Variants in TP53I13 observed in about 807,000 individuals in gnomAD.
TP53I13 encodes tumor protein p53 inducible protein 13.
Under a neutral mutation model 39.1 loss-of-function variants are expected in TP53I13, and 27 were observed. That is an observed-to-expected ratio of 0.69 (90% confidence interval 0.51 to 0.95). The LOEUF (loss-of-function observed/expected upper bound fraction) is 0.95, where lower values mean the gene tolerates loss of function less well. Among genes scored for constraint, TP53I13 ranks in the 40% least tolerant of loss-of-function variants. TP53I13 has a pLI of 0.00. For synonymous variants in TP53I13, 230 were observed against 224.6 expected (o/e 1.02, Z -0.22); for missense variants, 544 against 520.4 (o/e 1.05, Z -0.44).
the TP53I13 span, chr17:29,581,930 G>A: frequency 6.2e-7 from 1 of 1,612,492 alleles, no homozygotes. The surrounding 1 kb of genome is among the most constrained non-coding windows in gnomAD (Gnocchi z 4.8). Context: ...CCCTCACCTG[G>A]CATAGTCAAT....
downstream of TP53I13, chr17:29,575,522 C>G (rs753606113): frequency 1.9e-6 from 3 of 1,569,488 alleles, no homozygotes; most frequent in Non-Finnish European, 2.6e-6. This position sits in a 1 kb window ranked among gnomAD's most constrained non-coding sequence, Gnocchi z 5.5. Flanking sequence ...GAGAAAGACA[C>G]GTTCCAGCCT....
In TP53I13 at chr17:29,571,976, C is replaced by G; in HGVS notation, c.432C>G (p.Ile144Met). The G allele has an allele frequency of 6.2e-7, 1 of 1,613,166 alleles. No homozygotes were observed. Among genetic ancestry groups the G allele is most frequent in the Non-Finnish European group, 8.5e-7 (1 of 1,180,008 alleles). Residue 144 changes from isoleucine (I) to methionine (M), a missense_variant, in exon 5 of 7, where the codon ATC becomes ATG. Transcript: ENST00000301057. ...AGCAGAGGAAGAAGAAGGCATGGATCTACTGTGAAAGCCTTTCAGGGCCTG... is the reference window on the plus strand; with the variant it reads ...AGCAGAGGAAGAAGAAGGCATGGATGTACTGTGAAAGCCTTTCAGGGCCTG... ...RRKQRKKKAW[I>M]YCESLSGPAP...
upstream of TP53I13, chr17:29,566,880 C>A: frequency 6.7e-7 from 1 of 1,498,686 alleles, no homozygotes; most frequent in Non-Finnish European, 8.8e-7. Flanking sequence ...CGGCGCGCCC[C>A]CAGGGTCCCC....
At chr17:29,566,534 C>T (rs1202804961), upstream of TP53I13, 1 of 1,610,844 alleles carries the variant, frequency 6.2e-7, no homozygotes. Flanking sequence ...CGGCCCCGAA[C>T]ACAAGGTCCT....
the TP53I13 span, chr17:29,582,157 G>A: frequency 6.5e-7 from 1 of 1,542,296 alleles, no homozygotes; most frequent in African/African-American, 1.4e-5. Context: ...AAGAGGAGCA[G>A]AGTGTGCAGT....
intron 3 of TP53I13, chr17:29,569,730 G>A (rs2032854560): frequency 4.1e-6 from 1 of 245,468 alleles, no homozygotes; most frequent in Admixed American, 4.9e-5. Context: ...CTTTCTGTAG[G>A]AGAGGGTATT....
At chr17:29,575,764 C>T, downstream of TP53I13, 1 of 1,609,272 alleles carries the variant, frequency 6.2e-7, no homozygotes, top group Middle Eastern at 1.7e-4. The surrounding 1 kb of genome is among the most constrained non-coding windows in gnomAD (Gnocchi z 5.5). Flanking sequence ...TGCCCCTAGC[C>T]CACACGGCCC....
chr17:29,568,750 C>T lies in TP53I13; in HGVS notation c.-9C>T, dbSNP rs770136545. The T allele has an allele frequency of 3.4e-5, 54 of 1,566,998 alleles. No homozygotes were observed. The African/African-American group carries it at 5.7e-4, about 17-fold the overall frequency. ...GCTGGGCGGCGGGCCGGGCCCGGGG[C>T]CGCTTGGAATGGCGCCTCCTCCGCC... On this transcript the variant is annotated 5_prime_UTR_variant, in exon 1 of 7. Coordinates refer to ENST00000301057, the MANE Select transcript of TP53I13 (RefSeq NM_138349.4). The surrounding 1 kb of genome is among the most constrained non-coding windows in gnomAD (Gnocchi z 4.5).
chr17:29,572,667 C>T lies in TP53I13; in HGVS notation c.1039C>T (p.Pro347Ser). The change falls in exon 6 of 7, where the codon CCC becomes TCC. Residue 347 changes from proline to serine, a missense_variant. Coordinates refer to ENST00000301057, the MANE Select transcript of TP53I13 (RefSeq NM_138349.4). ...ACGCGGGGAGAGCATCTACTGGGGG[C>T]CCACAGCGGACAGCCAGGACACAGT... ...FRRGESIYWG[P>S]TADSQDTVAA... The T allele has an allele frequency of 1.3e-6, 2 of 1,576,292 alleles. No homozygotes were observed. Among genetic ancestry groups the T allele is most frequent in the Non-Finnish European group, 8.6e-7 (1 of 1,161,678 alleles).
In TP53I13 at chr17:29,568,783, C is replaced by G. The variant is rs1272703493; in HGVS notation, c.25C>G (p.Gln9Glu). The G allele has an allele frequency of 6.3e-7, 1 of 1,597,574 alleles. No individual in the cohort carries two copies. Among genetic ancestry groups the G allele is most frequent in the Admixed American group, 1.7e-5 (1 of 59,916 alleles). The change falls in exon 1 of 7, where the codon CAA (glutamine) becomes GAA (glutamate). Residue 9 changes from glutamine to glutamate, a missense_variant. Physicochemically the swap from Gln to Glu is conservative, Grantham distance 29. Transcript: ENST00000301057. The surrounding 1 kb of genome is among the most constrained non-coding windows in gnomAD (Gnocchi z 4.5). MAPPPPSP[Q>E]LLLLAALARL... ...AATGGCGCCTCCTCCGCCTTCGCCC[C>G]AACTGCTTCTCCTGGCAGCCCTCGC... is the stretch of plus-strand genomic sequence containing the variant.
Position 29,572,520 on chromosome 17 carries a change from C to A in TP53I13, c.892C>A (p.Arg298=). The part of the protein sequence containing the change: ...SPAPRAAAPP[R]AARGPTPRTE... ...GGCCCCTCGCGCAGCAGCGCCTCCA[C>A]GGGCAGCCCGGGGCCCCACCCCACG... The change falls in exon 6 of 7, where the codon CGG becomes AGG. Residue 298 remains arginine, a synonymous_variant. Transcript: ENST00000301057. 2 of 1,605,454 alleles carry A rather than the reference C, an allele frequency of 1.2e-6. No homozygotes were observed. Among genetic ancestry groups the A allele is most frequent in the South Asian group, 1.1e-5 (1 of 90,172 alleles).
At chr17:29,581,697 C>A in the TP53I13 span, 1 of 1,504,630 alleles carries the variant, frequency 6.6e-7, no homozygotes, top group South Asian at 1.1e-5. This position sits in a 1 kb window ranked among gnomAD's most constrained non-coding sequence, Gnocchi z 4.8. Flanking sequence ...CTGCCCAGCC[C>A]CAGCCAGGCC....
the TP53I13 span, chr17:29,581,970 C>A: frequency 6.2e-7 from 1 of 1,612,944 alleles, no homozygotes; most frequent in Non-Finnish European, 8.5e-7. The surrounding 1 kb of genome is among the most constrained non-coding windows in gnomAD (Gnocchi z 4.8). Flanking sequence ...TCAGGGGAGC[C>A]AGGGTCAGCC....
At chr17:29,566,837 G>A (rs2032727095), upstream of TP53I13, 1 of 1,516,422 alleles carries the variant, frequency 6.6e-7, no homozygotes, top group South Asian at 1.2e-5. Context: ...CCGTCGTCTC[G>A]GTCTTGGGCC....
At position 29,571,625 on chromosome 17, in the gene TP53I13, C is replaced by T. The variant is rs775251309; in HGVS notation, c.218C>T (p.Ala73Val). 1.2e-5 allele frequency: 19 copies of T among 1,614,006 alleles called. No individual in the cohort carries two copies. Among genetic ancestry groups the T allele is most frequent in the Non-Finnish European group, 1.5e-5 (18 of 1,180,034 alleles). The part of the protein sequence containing the change: ...EDVTFLYHPC[A>V]HPWLKLQLAL... ...GTCACCTTCCTCTACCACCCCTGTG[C>T]CCATCCCTGGCTGAAGCTCCAGCTT... Residue 73 changes from alanine to valine, a missense_variant, in exon 4 of 7, where the codon GCC becomes GTC. Physicochemically the swap from Ala to Val is moderately conservative, Grantham distance 64. Coordinates refer to ENST00000301057, the MANE Select transcript of TP53I13 (RefSeq NM_138349.4).
chr17:29,566,774 G>A (rs1834140227), upstream of TP53I13: 2 of 1,514,186 alleles, frequency 1.3e-6, no homozygotes, highest in Admixed American at 2.0e-5. Flanking sequence ...CCCGGCAGTG[G>A]CTCGCGCCCG....
At chr17:29,576,101 G>A (rs981901575), downstream of TP53I13, 1 of 1,613,624 alleles carries the variant, frequency 6.2e-7, no homozygotes, top group African/African-American at 1.3e-5. Context: ...GCAGGGACGT[G>A]CACTGAATAG....
At chr17:29,577,883 C>T (rs1373006078), downstream of TP53I13, 75 of 644,540 alleles carry the variant, frequency 1.2e-4, no homozygotes, top group South Asian at 3.0e-4. Context: ...TCTTTGGGCA[C>T]GCAGAGCTAG....
chr17:29,568,645 G>C (rs2032791318), upstream of TP53I13: 26 of 646,018 alleles, frequency 4.0e-5, no homozygotes, highest in Non-Finnish European at 4.8e-5. The surrounding 1 kb of genome is among the most constrained non-coding windows in gnomAD (Gnocchi z 4.5). Context: ...CAGGGCCAAC[G>C]GACGCGCGGG....
Sources: gnomAD v4.1 joint callset for allele counts on GRCh38, gnomAD v4.1.1 for gene constraint, Gnocchi (gnomAD v3.1) non-coding constraint, MANE v1.5 for transcripts, NCBI Gene and HGNC (gene_info 2026-07-23, HGNC 2026-07-21) for gene names.